The following SLC67A2 variants were observed in gnomAD, a reference collection of about 807,000 sequenced individuals.
SLC67A2 encodes solute carrier family 67 member 2, also known as solute carrier family 67 member A2.
the SLC67A2 span, chr2:102,715,779 G>C: frequency 2.0e-5 from 3 of 152,156 alleles, no homozygotes; most frequent in Non-Finnish European, 4.4e-5. Flanking sequence ...GGCTCAACCT[G>C]ACACACTGGA....
At chr2:102,736,828 G>C in the SLC67A2 span, 124 of 1,589,300 alleles carry the variant, frequency 7.8e-5, no homozygotes, top group Non-Finnish European at 1.1e-4. Flanking sequence ...CCGGCCGGGG[G>C]TCGGACGCAG....
the SLC67A2 span, among the ~76,000 whole-genome samples, chr2:102,720,020 A>C: frequency 4.1e-3 from 626 of 152,330 alleles, 3 homozygotes; most frequent in African/African-American, 0.014. Context: ...GGACTAGCAC[A>C]TTCTTGCCTG....
the SLC67A2 span, among the ~76,000 whole-genome samples, chr2:102,728,286 C>G: frequency 2.0e-4 from 30 of 152,264 alleles, no homozygotes; most frequent in African/African-American, 6.7e-4. Context: ...CCATTAGTCC[C>G]GGCTAGGAGG....
At chr2:102,731,601 A>G in the SLC67A2 span, among the ~76,000 whole-genome samples, 3 of 152,148 alleles carry the variant, frequency 2.0e-5, no homozygotes, top group Admixed American at 2.0e-4. Flanking sequence ...AAAAACCTTC[A>G]CACTGCTGGG....
At chr2:102,723,812 G>A in the SLC67A2 span, 25 of 1,614,174 alleles carry the variant, frequency 1.5e-5, no homozygotes, top group Non-Finnish European at 2.1e-5. Flanking sequence ...CCACACCGGA[G>A]GCTGTGTTGA....
the SLC67A2 span, among the ~76,000 whole-genome samples, chr2:102,720,263 A>G: frequency 2.0e-5 from 3 of 152,250 alleles, no homozygotes; most frequent in Admixed American, 1.3e-4. Context: ...ACAAATTTAC[A>G]ACGGAAAACC....
the SLC67A2 span, chr2:102,736,851 A>G: frequency 1.9e-5 from 29 of 1,558,462 alleles, no homozygotes; most frequent in Non-Finnish European, 2.3e-5. Flanking sequence ...GCAGCCGCGG[A>G]CCTACCCCGG....
the SLC67A2 span, chr2:102,727,064 C>T: frequency 7.0e-7 from 1 of 1,431,232 alleles, no homozygotes; most frequent in Non-Finnish European, 9.4e-7. Context: ...CAGGGGAAAA[C>T]AATGGAAGAT....
At chr2:102,727,193 A>T in the SLC67A2 span, among the ~76,000 whole-genome samples, 1 of 152,130 alleles carries the variant, frequency 6.6e-6, no homozygotes, top group East Asian at 1.9e-4. Context: ...TTTGTCCAAA[A>T]ACAAACAAAC....
the SLC67A2 span, chr2:102,736,701 G>T: frequency 1.1e-5 from 17 of 1,613,376 alleles, no homozygotes; most frequent in Non-Finnish European, 1.4e-5. Context: ...GACGGCACCG[G>T]AGTCGGCAGC....
the SLC67A2 span, chr2:102,736,523 C>A: frequency 4.4e-6 from 7 of 1,594,388 alleles, no homozygotes; most frequent in Non-Finnish European, 5.1e-6. Flanking sequence ...GGTAGTGAGG[C>A]ACTCACCAGG....
chr2:102,723,384 G>C, the SLC67A2 span, among the ~76,000 whole-genome samples: 1 of 152,084 alleles, frequency 6.6e-6, no homozygotes, highest in Non-Finnish European at 1.5e-5. Context: ...CAGGAGAATC[G>C]CTTGAATCTG....
chr2:102,718,501 T>A, the SLC67A2 span: 1 of 1,614,050 alleles, frequency 6.2e-7, no homozygotes, highest in Non-Finnish European at 8.5e-7. Flanking sequence ...CCACTAAGGC[T>A]AACACAGCGC....
chr2:102,734,181 T>C, the SLC67A2 span, among the ~76,000 whole-genome samples: 1 of 152,178 alleles, frequency 6.6e-6, no homozygotes, highest in Non-Finnish European at 1.5e-5. Context: ...ATATGTACAC[T>C]CAAAAGTTTC....
At chr2:102,723,643 T>A in the SLC67A2 span, 1 of 1,493,050 alleles carries the variant, frequency 6.7e-7, no homozygotes, top group Non-Finnish European at 9.3e-7. Context: ...AAGAGAAAAG[T>A]AGGTAAATTG....
chr2:102,726,634 A>G, the SLC67A2 span, among the ~76,000 whole-genome samples: 2 of 152,050 alleles, frequency 1.3e-5, no homozygotes, highest in Non-Finnish European at 2.9e-5. Context: ...GCACACACAC[A>G]CACACAGGCC....
the SLC67A2 span, among the ~76,000 whole-genome samples, chr2:102,724,807 A>G: frequency 6.6e-6 from 1 of 152,150 alleles, no homozygotes; most frequent in Non-Finnish European, 1.5e-5. Context: ...CTACTAATCT[A>G]TTCCCAGCTC....
At chr2:102,720,726 G>A in the SLC67A2 span, among the ~76,000 whole-genome samples, 1 of 152,206 alleles carries the variant, frequency 6.6e-6, no homozygotes, top group East Asian at 1.9e-4. Flanking sequence ...TTGAACCTGA[G>A]TCTGTCAGAT....
the SLC67A2 span, chr2:102,736,698 C>G: frequency 6.2e-7 from 1 of 1,613,480 alleles, no homozygotes. Context: ...TCCGACGGCA[C>G]CGGAGTCGGC....
Sources: allele counts gnomAD v4.1 joint callset (sites outside exome capture counted in the v4.1 genomes callset), GRCh38; gene constraint gnomAD v4.1.1; transcripts MANE v1.5; gene names NCBI Gene and HGNC (gene_info 2026-07-23, HGNC 2026-07-21).